The following GDPD1 variants were observed in gnomAD, a reference collection of about 807,000 sequenced individuals.
The protein encoded by GDPD1 is lysophospholipase D GDPD1.
In GDPD1, 28 loss-of-function variants were observed where a neutral mutation model predicts 45.1. That is an observed-to-expected ratio of 0.62 (90% CI 0.46 to 0.85). GDPD1 has a LOEUF of 0.85. GDPD1 is among the 40% of genes least tolerant of loss of function. The probability of loss-of-function intolerance (pLI) is 0.00; values close to 1 mark genes in which losing one functional copy is unlikely to be tolerated. For synonymous variants in GDPD1, 139 were observed against 131.4 expected, an observed-to-expected ratio of 1.06 and a Z score of -0.40; for missense variants, 256 against 364.8, an observed-to-expected ratio of 0.70 and a Z score of 2.43.
intron 6 of GDPD1, among the ~76,000 whole-genome samples, chr17:59,261,812 T>C (rs897274817): frequency 2.6e-5 from 4 of 151,988 alleles, no homozygotes; most frequent in African/African-American, 7.3e-5. Flanking sequence ...TTTTAAATTT[T>C]TTGTAGAGAT....
chr17:59,255,359 G>C (rs1475133967), intron 4 of GDPD1, among the ~76,000 whole-genome samples: 1 of 151,176 alleles, frequency 6.6e-6, no homozygotes, highest in African/African-American at 2.4e-5. Flanking sequence ...CCAGCACTTA[G>C]GGAGGCTGAG....
At chr17:59,250,501 G>T (rs2047244544) in intron 4 of GDPD1, among the ~76,000 whole-genome samples, 2 of 151,178 alleles carry the variant, frequency 1.3e-5, no homozygotes, top group African/African-American at 4.9e-5. Flanking sequence ...TATAGTCTCA[G>T]CTATTTAAGA....
intron 6 of GDPD1, among the ~76,000 whole-genome samples, chr17:59,266,428 T>C (rs2047399827): frequency 6.6e-6 from 1 of 151,996 alleles, no homozygotes; most frequent in African/African-American, 2.4e-5. Context: ...GTGTTATGTG[T>C]ATTTTAGCAC....
chr17:59,225,010 ATTATT>A (rs1345293745), intron 1 of GDPD1, among the ~76,000 whole-genome samples: 2 of 152,038 alleles, frequency 1.3e-5, no homozygotes, highest in African/African-American at 2.4e-5. Context: ...CTTTTCATAC[ATTATT>A]TTATTTAGAA....
Position 59,220,564 on chromosome 17 carries a change from A to G in GDPD1, c.-46A>G, listed in dbSNP as rs757002491. 2 of 1,590,244 alleles carry G rather than the reference A, an allele frequency of 1.3e-6. No homozygotes were observed. Among genetic ancestry groups the G allele is most frequent in the South Asian group, 2.3e-5 (2 of 88,836 alleles). ...GCCGTCGTTGCTACTGCCGCAGCGG[A>G]GTTCAGAGGGCCCGGAGGTGGGAGA... On this transcript the variant is annotated 5_prime_UTR_variant, in exon 1 of 10. Transcript: ENST00000284116.
At chr17:59,234,384 C>G in intron 1 of GDPD1, 108 bp from the exon 2 acceptor site, 1 of 683,406 alleles carries the variant, frequency 1.5e-6, no homozygotes, top group Non-Finnish European at 2.5e-6. Flanking sequence ...TAATGTCTAC[C>G]CCCAAAAAAA....
chr17:59,224,802 T>C (rs1022598412), intron 1 of GDPD1, among the ~76,000 whole-genome samples: 1 of 152,090 alleles, frequency 6.6e-6, no homozygotes, highest in Non-Finnish European at 1.5e-5. Context: ...GAACTTCAGC[T>C]TGGGCGACAT....
rs188973557 is a variant in GDPD1 at position 59,241,189 on chromosome 17, G to A, written c.186-4225G>A. ...TGACCATACATTTCTCAGAACATACGCCCATTGTTAAGTGGTGCATGACTT... is the reference window on the plus strand; with the variant it reads ...TGACCATACATTTCTCAGAACATACACCCATTGTTAAGTGGTGCATGACTT... On this transcript the variant is annotated intron_variant, in intron 2 of 9. Coordinates refer to ENST00000284116, the MANE Select transcript of GDPD1 (RefSeq NM_182569.4). 9.2e-5 allele frequency among the ~76,000 whole-genome samples: 14 copies of A among 152,246 alleles called. No individual in the cohort carries two copies. In the East Asian group the frequency reaches 1.9e-3, roughly 21 times the overall value.
chr17:59,232,190 A>T (rs973947734), intron 1 of GDPD1, among the ~76,000 whole-genome samples: 6 of 152,018 alleles, frequency 3.9e-5, no homozygotes, highest in Non-Finnish European at 8.8e-5. Flanking sequence ...CGGTGGCTCA[A>T]GCCTGTAATC....
At chr17:59,237,694 G>A (rs1047798627) in intron 2 of GDPD1, among the ~76,000 whole-genome samples, 2 of 152,096 alleles carry the variant, frequency 1.3e-5, no homozygotes, top group Admixed American at 6.6e-5. Flanking sequence ...GGTGTGGGAA[G>A]CCTGATTAAA....
chr17:59,237,093 A>G (rs1469120072), intron 2 of GDPD1, among the ~76,000 whole-genome samples: 1 of 152,028 alleles, frequency 6.6e-6, no homozygotes, highest in East Asian at 1.9e-4. Context: ...ATAACAAGAA[A>G]AGACTGTTTA....
chr17:59,238,441 TCTCA>T (rs2047151450), intron 2 of GDPD1, among the ~76,000 whole-genome samples: 2 of 147,230 alleles, frequency 1.4e-5, no homozygotes, highest in African/African-American at 5.1e-5. Context: ...CGAGACGGAG[TCTCA>T]CTCTGTTGCC....
intron 7 of GDPD1, among the ~76,000 whole-genome samples, chr17:59,268,447 C>T (rs965977802): frequency 6.6e-5 from 10 of 151,546 alleles, no homozygotes; most frequent in Non-Finnish European, 8.8e-5. Flanking sequence ...GGCGTGGTGG[C>T]GGGCGCCTGT....
At position 59,275,230 on chromosome 17, in the gene GDPD1, G is replaced by A. The variant is rs190012675; in HGVS notation, c.*1457G>A. 1.5e-4 allele frequency: 227 copies of A among 1,522,682 alleles called. 6 individuals carry two copies. In the South Asian group the frequency reaches 1.8e-3, roughly 12 times the overall value. 94.3% of individuals were successfully genotyped at this position (1,522,682 alleles called of 1,614,324 possible). On this transcript the variant is annotated 3_prime_UTR_variant, in exon 10 of 10. Coordinates refer to ENST00000284116, the MANE Select transcript of GDPD1 (RefSeq NM_182569.4). ...CTTAGTTAAAGAGGAAAAATAAAAC[G>A]GAAAAAAGCTTGGAAATCAGTGATG...
Position 59,267,132 on chromosome 17 carries a change from G to A in GDPD1, c.668G>A (p.Arg223Gln), listed in dbSNP as rs754760605. Residue 223 changes from arginine (R) to glutamine (Q), a missense_variant, in exon 7 of 10, where the codon CGA becomes CAA. Coordinates refer to ENST00000284116, the MANE Select transcript of GDPD1 (RefSeq NM_182569.4). ...GGCCTCTTGCCCTTTGTGCCCATTCGAGAACAGTTTTTTGAAATCCCAATG... is the reference window on the plus strand; with the variant it reads ...GGCCTCTTGCCCTTTGTGCCCATTCAAGAACAGTTTTTTGAAATCCCAATG... ...FTGLLPFVPI[R>Q]EQFFEIPMPS... is the part of the protein sequence containing the mutation. 13 of 1,613,844 alleles carry A rather than the reference G, an allele frequency of 8.1e-6. No individual in the cohort carries two copies. The highest frequency in any genetic ancestry group is 3.3e-5 in the Admixed American group (2 of 59,972).
chr17:59,241,600 G>A (rs928161672), intron 2 of GDPD1, among the ~76,000 whole-genome samples: 1 of 151,788 alleles, frequency 6.6e-6, no homozygotes, highest in Non-Finnish European at 1.5e-5. Flanking sequence ...TTACAGGCAT[G>A]AGCCATCGTG....
chr17:59,262,638 T>TTG (rs57405433), intron 6 of GDPD1, among the ~76,000 whole-genome samples: 4 of 71,238 alleles, frequency 5.6e-5, no homozygotes, highest in Admixed American at 3.9e-4. Flanking sequence ...TGTTTTTTTT[T>TTG]GTTTTTTTTT....
In GDPD1 at chr17:59,240,478, T is replaced by A. The variant is rs190798464; in HGVS notation, c.186-4936T>A. ...TACAGTAAGCTAAATAGGTATTTTT[T>A]AAATTTTATTATATTTTTAAGAGAC... On this transcript the variant is annotated intron_variant, in intron 2 of 9. Transcript: ENST00000284116. Among the ~76,000 whole-genome samples, 355 of 152,206 alleles carry A rather than the reference T, an allele frequency of 2.3e-3. 2 individuals carry two copies. The highest frequency in any genetic ancestry group is 8.2e-3 in the African/African-American group (341 of 41,538).
intron 2 of GDPD1, among the ~76,000 whole-genome samples, chr17:59,242,490 C>T (rs1056884097): frequency 9.2e-5 from 14 of 152,206 alleles, no homozygotes; most frequent in African/African-American, 3.4e-4. Context: ...TACTCCCATT[C>T]CTACTCATCT....
Sources: allele counts gnomAD v4.1 joint callset (sites outside exome capture counted in the v4.1 genomes callset), GRCh38; gene constraint gnomAD v4.1.1; transcripts MANE v1.5; gene names NCBI Gene and HGNC (gene_info 2026-07-23, HGNC 2026-07-21).